The following ATP10B variants were observed in gnomAD, a reference collection of about 807,000 sequenced individuals.
ATP10B encodes phospholipid-transporting ATPase VB.
In ATP10B, 122 loss-of-function variants were observed where a neutral mutation model predicts 141.2. That is an observed-to-expected ratio of 0.86 (90% CI 0.75 to 1.00). The LOEUF (loss-of-function observed/expected upper bound fraction) is 1.00, where lower values mean the gene tolerates loss of function less well. ATP10B is among the 50% of genes least tolerant of loss of function. The pLI is 0.00. For missense variants in ATP10B, 1,876 were observed against 1,825.3 expected, an observed-to-expected ratio of 1.03 and a Z score of -0.51; for synonymous variants, 685 against 692.0, an observed-to-expected ratio of 0.99 and a Z score of 0.16.
chr5:160,739,621 C>T (rs1375405111), intron 2 of ATP10B, among the ~76,000 whole-genome samples: 1 of 152,102 alleles, frequency 6.6e-6, no homozygotes, highest in Non-Finnish European at 1.5e-5. Flanking sequence ...AACATGAAAA[C>T]AATCCTGCCA....
intron 16 of ATP10B, 123 bp downstream of exon 16, chr5:160,617,741 A>AG: frequency 1.2e-6 from 1 of 857,100 alleles, no homozygotes; most frequent in Non-Finnish European, 1.8e-6. Context: ...AAGTCAGAAC[A>AG]GCTAATCTTG....
chr5:160,687,639 C>A (rs541288693), intron 5 of ATP10B, among the ~76,000 whole-genome samples, 161 bp downstream of exon 5: 11 of 152,186 alleles, frequency 7.2e-5, no homozygotes, highest in African/African-American at 2.7e-4. Flanking sequence ...GTGGTGCACG[C>A]CTGTGGTCCC....
At chr5:160,838,528 T>C (rs949100515) in intron 1 of ATP10B, among the ~76,000 whole-genome samples, 2 of 152,218 alleles carry the variant, frequency 1.3e-5, no homozygotes, top group African/African-American at 4.8e-5. Flanking sequence ...ATTTTAATTA[T>C]GTTAAAAACC....
At chr5:160,569,878 C>A (rs1019514492) in intron 24 of ATP10B, among the ~76,000 whole-genome samples, 195 bp from the exon 25 acceptor site, 1 of 152,158 alleles carries the variant, frequency 6.6e-6, no homozygotes, top group African/African-American at 2.4e-5. Context: ...AACACACATA[C>A]CCCAGAAGAC....
At position 160,565,363 on chromosome 5, in the gene ATP10B, T is replaced by C; in HGVS notation, c.*90A>G. 1 of 1,300,638 alleles carries C rather than the reference T, an allele frequency of 7.7e-7. No homozygotes were observed. The highest frequency in any genetic ancestry group is 2.0e-5 in the Admixed American group (1 of 50,682). The allele number at this position is 1,300,638 out of a possible 1,614,324, so 80.6% of individuals were successfully genotyped here. On this transcript the variant is annotated 3_prime_UTR_variant, in exon 26 of 26. Coordinates refer to ENST00000327245, the MANE Select transcript of ATP10B (RefSeq NM_025153.3). ...GAAGAAAAGAATAAGACTGGCACAT[T>C]GTTTCCTCTATGAAGAAGAAGGGGT...
rs1561633213 is a variant in ATP10B at position 160,591,659 on chromosome 5, A to AGC, written c.3565-522_3565-521dup. On this transcript the variant is annotated intron_variant, in intron 22 of 25. Coordinates refer to ENST00000327245, the MANE Select transcript of ATP10B (RefSeq NM_025153.3). ...CCAGAAACAAGGCTTCTCAGGCATC[A>AGC]GCGGCTCCAGAAACAAGCCTTCTCA... Among the ~76,000 whole-genome samples the AGC allele has an allele frequency of 2.6e-5, 4 of 152,248 alleles. No homozygotes were observed. The East Asian group carries it at 5.8e-4, about 22-fold the overall frequency.
At chr5:160,898,862 G>A in the ATP10B span, among the ~76,000 whole-genome samples, 1 of 152,044 alleles carries the variant, frequency 6.6e-6, no homozygotes, top group Non-Finnish European at 1.5e-5. Flanking sequence ...GGATGAAGCT[G>A]GAAACCATCA....
chr5:160,738,039 T>G lies in ATP10B; in HGVS notation c.-330-21005A>C, dbSNP rs114635550. Among the ~76,000 whole-genome samples, 912 of 152,172 alleles carry G rather than the reference T, an allele frequency of 6.0e-3. 10 individuals carry two copies. The highest frequency in any genetic ancestry group is 0.019 in the African/African-American group (802 of 41,560). On this transcript the variant is annotated intron_variant, in intron 2 of 25. Coordinates refer to ENST00000327245, the MANE Select transcript of ATP10B (RefSeq NM_025153.3). ...AGGATACATGCTTATCAGGATATGT[T>G]AGGACAAAAAAATCAATAAATCTAA...
At position 160,563,797 on chromosome 5, in the gene ATP10B, A is replaced by C. The variant is rs902394128; in HGVS notation, c.*1656T>G. 1 of 152,190 alleles carries C rather than the reference A, an allele frequency of 6.6e-6. No homozygotes were observed. The highest frequency in any genetic ancestry group is 2.4e-5 in the African/African-American group (1 of 41,450). 9.4% of individuals were successfully genotyped at this position (152,190 alleles called of 1,614,324 possible). A position where few individuals can be genotyped will look rare whatever the true frequency, so the allele number is the denominator to read the frequency against. On this transcript the variant is annotated 3_prime_UTR_variant, in exon 26 of 26. Transcript: ENST00000327245. Reference sequence around the variant, plus strand: ...GTACCTGAGATCCAAGTTTTGACTCAATCCCCTCACTGGAAACAATTCACA... The same window carrying C: ...GTACCTGAGATCCAAGTTTTGACTCCATCCCCTCACTGGAAACAATTCACA...
intron 1 of ATP10B, among the ~76,000 whole-genome samples, chr5:160,813,983 A>G (rs1278041590): frequency 6.6e-6 from 1 of 152,196 alleles, no homozygotes; most frequent in Non-Finnish European, 1.5e-5. Flanking sequence ...CCCCATCTGT[A>G]CGTCACCATC....
chr5:160,725,864 A>C (rs1225957558), intron 2 of ATP10B, among the ~76,000 whole-genome samples: 1 of 152,190 alleles, frequency 6.6e-6, no homozygotes, highest in Non-Finnish European at 1.5e-5. Context: ...CAGATTTTTT[A>C]ATAATCTGGA....
At chr5:160,652,939 GTATATATAATATATTATA>G (rs1760962625) in intron 7 of ATP10B, among the ~76,000 whole-genome samples, 1 of 71,454 alleles carries the variant, frequency 1.4e-5, no homozygotes, top group Non-Finnish European at 2.4e-5. Flanking sequence ...ATATATACAT[GTATATATAATATATTATA>G]TATACATGTA....
At chr5:160,898,544 G>T in the ATP10B span, among the ~76,000 whole-genome samples, 1 of 152,296 alleles carries the variant, frequency 6.6e-6, no homozygotes, top group South Asian at 2.1e-4. Flanking sequence ...TACACTGTTG[G>T]TGAGAGTGTA....
At chr5:160,737,015 A>T (rs1767169255) in intron 2 of ATP10B, among the ~76,000 whole-genome samples, 2 of 152,208 alleles carry the variant, frequency 1.3e-5, no homozygotes. Flanking sequence ...TTGACAAAGT[A>T]CCAGCAAACC....
chr5:160,770,191 C>G (rs1247679702), intron 2 of ATP10B, among the ~76,000 whole-genome samples: 1 of 151,126 alleles, frequency 6.6e-6, no homozygotes, highest in Non-Finnish European at 1.5e-5. Context: ...CCTCTCTATC[C>G]TCTCTCTTCT....
At chr5:160,821,014 G>A (rs1774061756) in intron 1 of ATP10B, among the ~76,000 whole-genome samples, 1 of 151,808 alleles carries the variant, frequency 6.6e-6, no homozygotes, top group African/African-American at 2.4e-5. Context: ...CCTAGCTAGA[G>A]CAATCAGACA....
At chr5:160,796,139 T>C (rs906692824) in intron 1 of ATP10B, among the ~76,000 whole-genome samples, 1 of 152,200 alleles carries the variant, frequency 6.6e-6, no homozygotes, top group Admixed American at 6.5e-5. Context: ...GACACCCTTA[T>C]GTATATCATA....
At chr5:160,862,066 A>G in the ATP10B span, among the ~76,000 whole-genome samples, 2 of 151,928 alleles carry the variant, frequency 1.3e-5, no homozygotes, top group South Asian at 2.1e-4. Flanking sequence ...AGCCTCATAC[A>G]TAATTGGTAA....
chr5:160,852,708 A>C (rs1229362227), upstream of ATP10B, among the ~76,000 whole-genome samples: 2 of 152,166 alleles, frequency 1.3e-5, no homozygotes, highest in Admixed American at 1.3e-4. Context: ...GAAAATCAGA[A>C]TTAGTAATGG....
Sources: gnomAD v4.1 joint callset for allele counts (sites outside exome capture counted in the v4.1 genomes callset) on GRCh38, gnomAD v4.1.1 for gene constraint, MANE v1.5 for transcripts, NCBI Gene and HGNC (gene_info 2026-07-23, HGNC 2026-07-21) for gene names.